Variants in H3C4 observed in about 807,000 individuals in gnomAD.
The protein encoded by H3C4 is H3 clustered histone 4.
In H3C4, 10 loss-of-function variants were observed where a neutral mutation model predicts 8.7. That is an observed-to-expected ratio of 1.15 (90% CI 0.71 to 1.96). H3C4 has a LOEUF of 1.96. H3C4 is among the 30% of genes most tolerant of loss of function. The pLI is 0.00. For missense variants in H3C4, 216 were observed against 192.9 expected, an observed-to-expected ratio of 1.12 and a Z score of -0.71; for synonymous variants, 141 against 80.1, an observed-to-expected ratio of 1.76 and a Z score of -4.06.
At chr6:26,198,267 G>A (rs1765027756), upstream of H3C4, among the ~76,000 whole-genome samples, 1 of 132,702 alleles carries the variant, frequency 7.5e-6, no homozygotes, top group Admixed American at 7.3e-5. Context: ...CTAACGAGCC[G>A]CTGCATTGAT....
Position 26,196,938 on chromosome 6 carries a change from A to G in H3C4, c.313T>C (p.Phe105Leu). 6.2e-7 allele frequency: 1 copy of G among 1,614,212 alleles called. No homozygotes were observed. The highest frequency in any genetic ancestry group is 8.5e-7 in the Non-Finnish European group (1 of 1,180,026). The change falls in exon 1 of 1, where the codon TTT (phenylalanine) becomes CTT (leucine). Residue 105 changes from phenylalanine to leucine, a missense_variant. By Grantham distance (22) the Phe-to-Leu change is conservative (BLOSUM62 0). Coordinates refer to ENST00000356476, the MANE Select transcript of H3C4 (RefSeq NM_001376937.1). ...ATGGCGCATAGGTTGGTGTCCTCAAACAGCCCCACCAGGTAGGCCTCGCAG... is the reference window on the plus strand; with the variant it reads ...ATGGCGCATAGGTTGGTGTCCTCAAGCAGCCCCACCAGGTAGGCCTCGCAG... ...EACEAYLVGL[F>L]EDTNLCAIHA...
In H3C4 at chr6:26,196,798, A is replaced by G. The variant is rs762948734; in HGVS notation, c.*42T>C. 1.2e-6 allele frequency: 2 copies of G among 1,606,464 alleles called. No homozygotes were observed. The highest frequency in any genetic ancestry group is 1.7e-5 in the Admixed American group (1 of 58,484). On this transcript the variant is annotated 3_prime_UTR_variant, in exon 1 of 1. Coordinates refer to ENST00000356476, the MANE Select transcript of H3C4 (RefSeq NM_001376937.1). Reference sequence around the variant, plus strand: ...TATAGAAAAGGTGGTTGGCTCTGAAAAGAGCCTTTGGGTTTTGGTTAGCAC... The same window carrying G: ...TATAGAAAAGGTGGTTGGCTCTGAAGAGAGCCTTTGGGTTTTGGTTAGCAC...
chr6:26,198,591 C>G (rs1204181248), upstream of H3C4, among the ~76,000 whole-genome samples: 6 of 152,208 alleles, frequency 3.9e-5, no homozygotes, highest in Non-Finnish European at 8.8e-5. Context: ...CTTGGCCTTC[C>G]AAAGTCCTGG....
chr6:26,198,985 C>T, upstream of H3C4: 2 of 1,614,210 alleles, frequency 1.2e-6, no homozygotes, highest in Non-Finnish European at 1.7e-6. Flanking sequence ...TTGCGGATGG[C>T]CAGCTGCAGG....
rs1561980593 is a variant in H3C4, at chr6:26,197,188, C to A, written c.63G>T (p.Leu21=). The A allele has an allele frequency of 6.2e-7, 1 of 1,614,052 alleles. No individual in the cohort carries two copies. Among genetic ancestry groups the A allele is most frequent in the Non-Finnish European group, 8.5e-7 (1 of 1,179,980 alleles). Residue 21 remains leucine, a synonymous_variant, in exon 1 of 1, where the codon CTG becomes CTT. Coordinates refer to ENST00000356476, the MANE Select transcript of H3C4 (RefSeq NM_001376937.1). ...STGGKAPRKQ[L]ATKAARKSAP... Reference sequence around the variant, plus strand: ...CGCTCTTTCGAGCAGCCTTGGTGGCCAGCTGCTTGCGTGGCGCTTTCCCAC... The same window carrying A: ...CGCTCTTTCGAGCAGCCTTGGTGGCAAGCTGCTTGCGTGGCGCTTTCCCAC...
At chr6:26,198,878 C>G (rs530347788), upstream of H3C4, 1 of 1,614,178 alleles carries the variant, frequency 6.2e-7, no homozygotes, top group African/African-American at 1.3e-5. Flanking sequence ...TGTGGTGACT[C>G]TCAGTCTTCT....
At chr6:26,197,408 T>C, upstream of H3C4, 1 of 669,406 alleles carries the variant, frequency 1.5e-6, no homozygotes, top group East Asian at 2.8e-5. Context: ...ATCTCCTGCA[T>C]GTAGACCAAA....
chr6:26,199,255 A>C (rs777278829), upstream of H3C4: 15 of 1,591,680 alleles, frequency 9.4e-6, no homozygotes, highest in Non-Finnish European at 1.3e-5. Context: ...TTGAATTCTT[A>C]AAAACGATGT....
At position 26,196,998 on chromosome 6, in the gene H3C4, A is replaced by T; in HGVS notation, c.253T>A (p.Phe85Ile). 1 of 1,614,230 alleles carries T rather than the reference A, an allele frequency of 6.2e-7. No individual in the cohort carries two copies. The highest frequency in any genetic ancestry group is 8.5e-7 in the Non-Finnish European group (1 of 1,180,036). The change falls in exon 1 of 1, where the codon TTT (phenylalanine) becomes ATT (isoleucine). Residue 85 changes from phenylalanine (F) to isoleucine (I), a missense_variant. Physicochemically the swap from Phe to Ile is conservative, Grantham distance 21. Coordinates refer to ENST00000356476, the MANE Select transcript of H3C4 (RefSeq NM_001376937.1). Reference sequence around the variant, plus strand: ...AGCGCCATCACCGCCGAGCTCTGAAAACGCAGATCAGTCTTGAAGTCCTGC... The same window carrying T: ...AGCGCCATCACCGCCGAGCTCTGAATACGCAGATCAGTCTTGAAGTCCTGC... The part of the protein sequence containing the change: ...IAQDFKTDLR[F>I]QSSAVMALQE...
chr6:26,197,137 C>T lies in H3C4; in HGVS notation c.114G>A (p.Lys38=). ...CCGTGCCGGGCCGGTAACGGTGGGG[C>T]TTCTTCACGCCGCCGGTGGCTGGAG... ...KSAPATGGVK[K]PHRYRPGTVA... Residue 38 remains lysine (K), a synonymous_variant, in exon 1 of 1, where the codon AAG becomes AAA. Coordinates refer to ENST00000356476, the MANE Select transcript of H3C4 (RefSeq NM_001376937.1). 5 of 1,614,168 alleles carry T rather than the reference C, an allele frequency of 3.1e-6. No individual in the cohort carries two copies. The highest frequency in any genetic ancestry group is 2.2e-5 in the East Asian group (1 of 44,876).
At chr6:26,197,376 G>T (rs1416853523), upstream of H3C4, 2 of 900,318 alleles carry the variant, frequency 2.2e-6, no homozygotes, top group Non-Finnish European at 3.4e-6. Flanking sequence ...GATTGGTGGA[G>T]ACGCCCACTC....
chr6:26,199,101 G>A (rs1765062683), upstream of H3C4: 1 of 1,614,176 alleles, frequency 6.2e-7, no homozygotes, highest in African/African-American at 1.3e-5. Context: ...ATACACTGGC[G>A]CGCCGGCCCC....
chr6:26,198,938 T>G (rs142041097), upstream of H3C4: 1 of 1,614,202 alleles, frequency 6.2e-7, no homozygotes, highest in Non-Finnish European at 8.5e-7. Context: ...CCTGAGCAAT[T>G]GTGACTTTAC....
rs1452411933 is a variant in H3C4 at position 26,197,044 on chromosome 6, C to A, written c.207G>T (p.Gln69His). 12 of 1,614,114 alleles carry A rather than the reference C, an allele frequency of 7.4e-6. No individual in the cohort carries two copies. The highest frequency in any genetic ancestry group is 3.3e-5 in the Admixed American group (2 of 60,008). The change falls in exon 1 of 1, where the codon CAG becomes CAT. Residue 69 changes from glutamine (Q) to histidine (H), a missense_variant. By Grantham distance (24) the Gln-to-His change is conservative (BLOSUM62 0). Coordinates refer to ENST00000356476, the MANE Select transcript of H3C4 (RefSeq NM_001376937.1). ...TELLIRKLPF[Q>H]RLVREIAQDF... ...CCTGCGCGATCTCACGGACTAGACG[C>A]TGGAATGGCAGTTTGCGAATCAGCA...
chr6:26,198,804 CT>C (rs1561981562), upstream of H3C4: 2 of 1,582,542 alleles, frequency 1.3e-6, no homozygotes, highest in Admixed American at 1.9e-5. Context: ...TGAAAAGAGC[CT>C]TTGTTAAGAC....
upstream of H3C4, chr6:26,199,214 C>G (rs117678923): frequency 2.5e-6 from 4 of 1,607,082 alleles, no homozygotes; most frequent in Non-Finnish European, 3.4e-6. Context: ...TAGCTCGGGC[C>G]TTTCCGCCTT....
In H3C4 at chr6:26,196,982, ACCG is replaced by A; in HGVS notation, c.266_268del (p.Ala89del). 6.2e-7 allele frequency: 1 copy of A among 1,614,206 alleles called. No individual in the cohort carries two copies. The highest frequency in any genetic ancestry group is 8.5e-7 in the Non-Finnish European group (1 of 1,180,038). ...CTCGCAGGCCTCCTGCAGCGCCATCACCGCCGAGCTCTGAAAACGCAGATCAGT... is the reference window on the plus strand; with the variant it reads ...CTCGCAGGCCTCCTGCAGCGCCATCACCGAGCTCTGAAAACGCAGATCAGT... On this transcript the variant is annotated inframe_deletion, in exon 1 of 1. Transcript: ENST00000356476.
At chr6:26,197,339 G>C, upstream of H3C4, 4 of 1,416,714 alleles carry the variant, frequency 2.8e-6, no homozygotes, top group Non-Finnish European at 3.9e-6. Context: ...GTTCTGATTG[G>C]ACAAGGCAGC....
chr6:26,197,124 G>A lies in H3C4; in HGVS notation c.127C>T (p.Arg43Trp), dbSNP rs746545992. The A allele has an allele frequency of 6.2e-7, 1 of 1,614,182 alleles. No homozygotes were observed. The highest frequency in any genetic ancestry group is 8.5e-7 in the Non-Finnish European group (1 of 1,180,028). Residue 43 changes from arginine to tryptophan, a missense_variant, in exon 1 of 1, where the codon CGG becomes TGG. By Grantham distance (101) the Arg-to-Trp change is moderately radical. Transcript: ENST00000356476. ...TCGCGCAGAGCCACCGTGCCGGGCC[G>A]GTAACGGTGGGGCTTCTTCACGCCG... ...TGGVKKPHRY[R>W]PGTVALREIR...
Sources: gnomAD v4.1 joint callset for allele counts (sites outside exome capture counted in the v4.1 genomes callset) on GRCh38, gnomAD v4.1.1 for gene constraint, MANE v1.5 for transcripts, NCBI Gene and HGNC (gene_info 2026-07-23, HGNC 2026-07-21) for gene names.